Variants in CCDC171 observed in about 807,000 individuals in gnomAD.
CCDC171 encodes coiled-coil domain containing 171.
Under a neutral mutation model 168.2 loss-of-function variants are expected in CCDC171, and 177 were observed. The ratio of observed to expected loss-of-function variants is 1.05; its 90% CI spans 0.93 to 1.19. The LOEUF is 1.19. Among genes scored for constraint, CCDC171 ranks in the 50% most tolerant of loss-of-function variants. The probability of loss-of-function intolerance (pLI) is 0.00; values close to 1 mark genes in which losing one functional copy is unlikely to be tolerated. For synonymous variants in CCDC171, 687 were observed against 540.8 expected (o/e 1.27, Z -3.75); for missense variants, 1,991 against 1,539.0 (o/e 1.29, Z -4.91).
chr9:15,978,510 A>G (rs1831690322), downstream of CCDC171, among the ~76,000 whole-genome samples: 1 of 152,172 alleles, frequency 6.6e-6, no homozygotes, highest in Non-Finnish European at 1.5e-5. Flanking sequence ...GTGGGGAGGC[A>G]GAATCCCTGT....
At chr9:15,728,301 G>C (rs1048277161) in intron 15 of CCDC171, among the ~76,000 whole-genome samples, 2 of 151,776 alleles carry the variant, frequency 1.3e-5, no homozygotes, top group Admixed American at 6.6e-5. Context: ...TTAGCCACAG[G>C]GACCTAATTA....
Position 15,744,473 on chromosome 9 carries a change from A to C in CCDC171, c.2250A>C (p.Thr750=), listed in dbSNP as rs750388048. 1.9e-6 allele frequency: 3 copies of C among 1,614,186 alleles called. No homozygotes were observed. Among genetic ancestry groups the C allele is most frequent in the Admixed American group, 3.3e-5 (2 of 60,012 alleles). The change falls in exon 17 of 26, where the codon ACA becomes ACC. Residue 750 remains threonine (T), a synonymous_variant. Coordinates refer to ENST00000380701, the MANE Select transcript of CCDC171 (RefSeq NM_173550.4). ...PLYSRSCALS[T]QRDFLQEQVN... ...ATAGCCGATCATGCGCCTTGTCTACACAGAGAGATTTTCTCCAGGAGCAGG... is the reference window on the plus strand; with the variant it reads ...ATAGCCGATCATGCGCCTTGTCTACCCAGAGAGATTTTCTCCAGGAGCAGG...
chr9:16,096,403 C>A, the CCDC171 span, among the ~76,000 whole-genome samples: 3 of 152,152 alleles, frequency 2.0e-5, no homozygotes, highest in Non-Finnish European at 4.4e-5. Flanking sequence ...GTGGTGAGTC[C>A]AGACCCAAAA....
chr9:15,744,902 T>A lies in CCDC171; in HGVS notation c.2554+125T>A, dbSNP rs1486335101. 6.8e-6 allele frequency: 6 copies of A among 880,508 alleles called. No individual in the cohort carries two copies. The Admixed American group carries it at 1.7e-4, about 25-fold the overall frequency. 54.5% of individuals were successfully genotyped at this position (880,508 alleles called of 1,614,324 possible). On this transcript the variant is annotated intron_variant, in intron 17 of 25. Coordinates refer to ENST00000380701, the MANE Select transcript of CCDC171 (RefSeq NM_173550.4). Reference sequence around the variant, plus strand: ...ATATGCCAAATAATATAACATAGTCTCCATATGTACGTATATGTGTGTATG... The same window carrying A: ...ATATGCCAAATAATATAACATAGTCACCATATGTACGTATATGTGTGTATG...
At chr9:15,620,912 C>T (rs1173739075) in intron 6 of CCDC171, among the ~76,000 whole-genome samples, 3 of 152,094 alleles carry the variant, frequency 2.0e-5, no homozygotes, top group Non-Finnish European at 4.4e-5. Flanking sequence ...TGATGACTTC[C>T]TGAAGGGCCA....
chr9:15,577,951 C>T (rs955923964), intron 3 of CCDC171, among the ~76,000 whole-genome samples: 1 of 152,226 alleles, frequency 6.6e-6, no homozygotes, highest in South Asian at 2.1e-4. Flanking sequence ...TATTGAGAAG[C>T]CAGTTGTCTC....
chr9:15,901,256 C>G (rs76010375), intron 24 of CCDC171, among the ~76,000 whole-genome samples: 1,536 of 152,182 alleles, frequency 0.01, 29 homozygotes, highest in African/African-American at 0.035. Context: ...TTGTGTGATA[C>G]TAATAATAGT....
the CCDC171 span, among the ~76,000 whole-genome samples, chr9:16,075,886 A>G: frequency 6.6e-6 from 1 of 152,204 alleles, no homozygotes; most frequent in Non-Finnish European, 1.5e-5. Flanking sequence ...AGCATAGCAT[A>G]GCATAGCATA....
chr9:15,554,681 G>T (rs1165835706), intron 1 of CCDC171, among the ~76,000 whole-genome samples: 1 of 152,154 alleles, frequency 6.6e-6, no homozygotes. Context: ...CCCTTTAAAG[G>T]TTGATTATGT....
the CCDC171 span, among the ~76,000 whole-genome samples, chr9:16,095,555 T>G: frequency 3.3e-5 from 5 of 152,056 alleles, no homozygotes; most frequent in Admixed American, 2.0e-4. Context: ...TCTCTCTCTC[T>G]CGCGCACACA....
At chr9:15,646,868 C>T (rs565201033) in intron 7 of CCDC171, among the ~76,000 whole-genome samples, 2 of 152,242 alleles carry the variant, frequency 1.3e-5, no homozygotes, top group Admixed American at 1.3e-4. Context: ...CAAGGATATC[C>T]AGGAATTGAA....
At chr9:15,851,518 T>A (rs963833327) in intron 23 of CCDC171, among the ~76,000 whole-genome samples, 5 of 151,898 alleles carry the variant, frequency 3.3e-5, no homozygotes, top group South Asian at 2.1e-4. Context: ...GTACATTTTT[T>A]AAAACACACC....
At chr9:15,757,381 G>A (rs2056188167) in intron 18 of CCDC171, among the ~76,000 whole-genome samples, 1 of 152,210 alleles carries the variant, frequency 6.6e-6, no homozygotes, top group African/African-American at 2.4e-5. Flanking sequence ...CTGCCCTAGA[G>A]ATTTGTGGAA....
At chr9:15,908,494 G>C (rs1823084449) in intron 24 of CCDC171, among the ~76,000 whole-genome samples, 1 of 150,572 alleles carries the variant, frequency 6.6e-6, no homozygotes, top group African/African-American at 2.5e-5. Context: ...ATCACACACT[G>C]GGGCCTGTTG....
chr9:16,062,478 A>G (rs1586872682), downstream of CCDC171, among the ~76,000 whole-genome samples: 1 of 152,234 alleles, frequency 6.6e-6, no homozygotes, highest in African/African-American at 2.4e-5. Flanking sequence ...TGACCAAATA[A>G]TCTGTATACC....
At chr9:16,083,878 G>A in the CCDC171 span, among the ~76,000 whole-genome samples, 2 of 152,174 alleles carry the variant, frequency 1.3e-5, no homozygotes, top group Admixed American at 6.5e-5. Context: ...TTTTTTGAGT[G>A]TCTATTACAG....
intron 3 of CCDC171, among the ~76,000 whole-genome samples, chr9:16,008,458 A>G (rs1167277530): frequency 2.0e-5 from 3 of 152,118 alleles, no homozygotes; most frequent in Non-Finnish European, 2.9e-5. Flanking sequence ...ATCTCATCTA[A>G]TATAGTCAGA....
intron 1 of CCDC171, among the ~76,000 whole-genome samples, chr9:15,557,400 G>A (rs994568855): frequency 3.9e-5 from 6 of 152,078 alleles, no homozygotes; most frequent in East Asian, 1.9e-4. Context: ...ATTTGTTTGT[G>A]TCCTCTTTTA....
chr9:16,029,078 G>A (rs1042892634), intron 6 of CCDC171, among the ~76,000 whole-genome samples: 2 of 151,970 alleles, frequency 1.3e-5, no homozygotes, highest in Non-Finnish European at 2.9e-5. Flanking sequence ...AATGGAAGAC[G>A]GCAGGCGCTG....
Sources: gnomAD v4.1 joint callset for allele counts (sites outside exome capture counted in the v4.1 genomes callset) on GRCh38, gnomAD v4.1.1 for gene constraint, MANE v1.5 for transcripts, NCBI Gene and HGNC (gene_info 2026-07-23, HGNC 2026-07-21) for gene names.